The following AAGAB variants were observed in gnomAD, a reference collection of about 807,000 sequenced individuals.
AAGAB encodes alpha- and gamma-adaptin-binding protein p34.
Under a neutral mutation model 44.1 loss-of-function variants are expected in AAGAB, and 38 were observed. The ratio of observed to expected loss-of-function variants is 0.86; its 90% confidence interval spans 0.67 to 1.13. The LOEUF (loss-of-function observed/expected upper bound fraction) is 1.13. AAGAB is among the 50% of genes most tolerant of loss of function. The probability of loss-of-function intolerance (pLI) is 0.00; values close to 1 mark genes in which losing one functional copy is unlikely to be tolerated. For missense variants in AAGAB, 450 were observed against 373.8 expected (o/e 1.20, Z -1.68); for synonymous variants, 131 against 131.8 (o/e 0.99, Z 0.04).
intron 5 of AAGAB, 111 bp downstream of exon 5, chr15:67,231,703 G>T: frequency 2.3e-6 from 2 of 856,774 alleles, no homozygotes; most frequent in Non-Finnish European, 3.7e-6. Context: ...AACTGAAATT[G>T]GAACAAATCT....
intron 5 of AAGAB, among the ~76,000 whole-genome samples, chr15:67,210,515 C>CAAAA (rs1389837020): frequency 2.1e-5 from 2 of 96,028 alleles, no homozygotes; most frequent in African/African-American, 4.0e-5. Flanking sequence ...GGCTCCGTCT[C>CAAAA]AAAAAAAAAA....
In AAGAB at chr15:67,236,466, C is replaced by A. The variant is rs1256714736; in HGVS notation, c.303G>T (p.Leu101=). The change falls in exon 3 of 10, where the codon CTG becomes CTT. Residue 101 remains leucine, a synonymous_variant. Transcript: ENST00000261880. ...TCACCTCAGGTAACCATGCTTTTGC[C>A]AGTGGAAGCCATGAGGAGACACTAT... The part of the protein sequence containing the change: ...GLDSVSSWLP[L]AKAWLPEVMI... 17 of 1,613,764 alleles carry A rather than the reference C, an allele frequency of 1.1e-5. No homozygotes were observed. The highest frequency in any genetic ancestry group is 1.3e-5 in the Non-Finnish European group (15 of 1,179,984).
At chr15:67,237,260 C>T (rs1264019079) in intron 1 of AAGAB, among the ~76,000 whole-genome samples, 1 of 152,074 alleles carries the variant, frequency 6.6e-6, no homozygotes, top group African/African-American at 2.4e-5. Context: ...TAAGGCTAAA[C>T]CATTAATAAA....
In AAGAB at chr15:67,231,867, C is replaced by A; in HGVS notation, c.482G>T (p.Arg161Leu). 6.2e-7 allele frequency: 1 copy of A among 1,611,938 alleles called. No individual in the cohort carries two copies. The highest frequency in any genetic ancestry group is 8.5e-7 in the Non-Finnish European group (1 of 1,178,316). ...ATTGGCATTCAGGGCTTGGACAATT[C>A]GCTTTACTCCTGTAGATTCTGGGAA... ...DDFPESTGVK[R>L]IVQALNANVW... The change falls in exon 5 of 10, where the codon CGA becomes CTA. Residue 161 changes from arginine to leucine, a missense_variant. Coordinates refer to ENST00000261880, the MANE Select transcript of AAGAB (RefSeq NM_024666.5).
At chr15:67,242,693 A>C (rs1266134963) in intron 1 of AAGAB, 1 of 152,240 alleles carries the variant, frequency 6.6e-6, no homozygotes, top group South Asian at 2.1e-4. Context: ...CTTTACAGAC[A>C]AATGTCAGGA....
At chr15:67,228,932 T>C (rs746646495) in intron 5 of AAGAB, among the ~76,000 whole-genome samples, 3 of 151,886 alleles carry the variant, frequency 2.0e-5, no homozygotes, top group Non-Finnish European at 4.4e-5. Flanking sequence ...AAACACTGAA[T>C]ACACATGGAG....
At chr15:67,204,760 T>A (rs1250377137) in intron 7 of AAGAB, among the ~76,000 whole-genome samples, 6 of 152,236 alleles carry the variant, frequency 3.9e-5, no homozygotes, top group Non-Finnish European at 7.3e-5. Context: ...ACTGCTTCTT[T>A]ATTAAAGTTT....
chr15:67,235,648 T>TTAACTACTACGAAGGTCTAACTCTC (rs1485562886), intron 4 of AAGAB, among the ~76,000 whole-genome samples: 2 of 152,168 alleles, frequency 1.3e-5, no homozygotes, highest in African/African-American at 4.8e-5. Flanking sequence ...AACATCAACT[T>TTAACTACTACGAAGGTCTAACTCTC]TAACTACTAC....
intron 5 of AAGAB, among the ~76,000 whole-genome samples, chr15:67,222,231 C>CG (rs1491172484): frequency 1.2e-5 from 1 of 80,990 alleles, no homozygotes; most frequent in Non-Finnish European, 2.7e-5. Context: ...TGCACGCGCA[C>CG]GCGCGCGCGC....
chr15:67,201,502 C>T lies in AAGAB; in HGVS notation c.*1319G>A, dbSNP rs1316453074. ...GGTGTGAGCCTTATTTCTTTCTGCT[C>T]CTAACCCAACCTGTTTCTTTCATGC... On this transcript the variant is annotated 3_prime_UTR_variant, in exon 10 of 10. Transcript: ENST00000261880. 1 of 152,256 alleles carries T rather than the reference C, an allele frequency of 6.6e-6. No individual in the cohort carries two copies. The highest frequency in any genetic ancestry group is 1.5e-5 in the Non-Finnish European group (1 of 68,050). The allele number at this position is 152,256 out of a possible 1,614,324, so 9.4% of individuals were successfully genotyped here.
intron 5 of AAGAB, among the ~76,000 whole-genome samples, chr15:67,231,135 G>A (rs1964325283): frequency 6.6e-6 from 1 of 152,030 alleles, no homozygotes; most frequent in South Asian, 2.1e-4. Context: ...GACTTCTTGG[G>A]CTCAAGCAAT....
At chr15:67,223,089 C>G (rs952197242) in intron 5 of AAGAB, among the ~76,000 whole-genome samples, 1 of 152,174 alleles carries the variant, frequency 6.6e-6, no homozygotes, top group Non-Finnish European at 1.5e-5. Flanking sequence ...CCTCATTGAC[C>G]TTTCTTCCTC....
chr15:67,243,143 A>G (rs1964642594), intron 1 of AAGAB, among the ~76,000 whole-genome samples: 2 of 151,806 alleles, frequency 1.3e-5, no homozygotes, highest in African/African-American at 2.4e-5. Context: ...TAATTGGGGA[A>G]AGTCAGTGGG....
upstream of AAGAB, chr15:67,254,732 G>A: frequency 1.5e-6 from 2 of 1,371,812 alleles, no homozygotes; most frequent in Non-Finnish European, 2.0e-6. Flanking sequence ...GGGCGTTCTC[G>A]GAATGACCAG....
chr15:67,254,883 T>G (rs529318414), upstream of AAGAB: 4 of 1,613,054 alleles, frequency 2.5e-6, no homozygotes, highest in African/African-American at 2.7e-5. Flanking sequence ...AGGTAGCCGT[T>G]CCCTGACCTA....
upstream of AAGAB, chr15:67,254,667 C>T (rs555486899): frequency 2.5e-6 from 4 of 1,586,858 alleles, no homozygotes; most frequent in African/African-American, 2.7e-5. Context: ...CAGGCAGCCG[C>T]TTCCGCCTTG....
At chr15:67,214,190 T>C (rs1963887813) in intron 5 of AAGAB, among the ~76,000 whole-genome samples, 1 of 143,362 alleles carries the variant, frequency 7.0e-6, no homozygotes. Flanking sequence ...CATTCATATA[T>C]AGTTCTCTTT....
At chr15:67,210,944 A>C (rs965388220) in intron 5 of AAGAB, among the ~76,000 whole-genome samples, 11 of 152,140 alleles carry the variant, frequency 7.2e-5, no homozygotes, top group Admixed American at 7.2e-4. Context: ...TTTCCTCTCT[A>C]TCTCTTCCCT....
At chr15:67,224,328 A>C (rs1402944227) in intron 5 of AAGAB, among the ~76,000 whole-genome samples, 1 of 152,236 alleles carries the variant, frequency 6.6e-6, no homozygotes, top group Non-Finnish European at 1.5e-5. Context: ...AATGGCCCAG[A>C]TACACTCAGC....
Sources: allele counts gnomAD v4.1 joint callset (sites outside exome capture counted in the v4.1 genomes callset), GRCh38; gene constraint gnomAD v4.1.1; transcripts MANE v1.5; gene names NCBI Gene and HGNC (gene_info 2026-07-23, HGNC 2026-07-21).